MYSM1: variants seen among roughly 807,000 people sequenced by gnomAD.
MYSM1 encodes Myb like, SWIRM and MPN domains 1, also known as deubiquitinase MYSM1.
MYSM1 carries 51 observed loss-of-function variants against 116.0 expected under a neutral mutation model. The ratio of observed to expected loss-of-function variants is 0.44; its 90% CI spans 0.35 to 0.56. The LOEUF (loss-of-function observed/expected upper bound fraction) is 0.56. Ranked by LOEUF, MYSM1 falls within the 20% of genes least tolerant of loss-of-function variation. The pLI, the probability that MYSM1 is intolerant of heterozygous loss-of-function variation, is 0.00. For synonymous variants in MYSM1, 313 were observed against 315.2 expected (o/e 0.99, Z 0.07); for missense variants, 900 against 974.9 (o/e 0.92, Z 1.02).
chr1:58,695,067 A>C lies in MYSM1; in HGVS notation c.147+62T>G, dbSNP rs766632206. 4.1e-4 allele frequency: 381 copies of C among 918,494 alleles called. 3 individuals carry two copies. Among genetic ancestry groups the C allele is most frequent in the Middle Eastern group, 9.6e-4 (4 of 4,158 alleles). The allele number at this position is 918,494 out of a possible 1,614,324, so 56.9% of individuals were successfully genotyped here. On this transcript the variant is annotated intron_variant, in intron 2 of 19. Coordinates refer to ENST00000472487, the MANE Select transcript of MYSM1 (RefSeq NM_001085487.3). ...GCACTAAGTTTAAAAAAAAAAAAAG[A>C]AGAAGCACTCTAGGCAATAAATAAC...
Position 58,685,055 on chromosome 1 carries a change from T to C in MYSM1, c.498+98A>G, listed in dbSNP as rs930206825. Reference sequence around the variant, plus strand: ...TGGGTATAAAATACTTTAAAAACTTTTACCAGTAAGACTTTAATGCCTGAA... The same window carrying C: ...TGGGTATAAAATACTTTAAAAACTTCTACCAGTAAGACTTTAATGCCTGAA... On this transcript the variant is annotated intron_variant, in intron 7 of 19. Transcript: ENST00000472487. 5.1e-6 allele frequency: 5 copies of C among 970,988 alleles called. No homozygotes were observed. In the Admixed American group the frequency reaches 9.9e-5, roughly 19 times the overall value. 60.1% of individuals were successfully genotyped at this position (970,988 alleles called of 1,614,324 possible).
At chr1:58,688,495 T>C (rs1389086320) in intron 6 of MYSM1, among the ~76,000 whole-genome samples, 1 of 151,726 alleles carries the variant, frequency 6.6e-6, no homozygotes, top group Non-Finnish European at 1.5e-5. Context: ...GAAACCAGAA[T>C]ACGTATCTTT....
At chr1:58,681,022 G>A (rs1020133873) in intron 8 of MYSM1, among the ~76,000 whole-genome samples, 4 of 151,970 alleles carry the variant, frequency 2.6e-5, no homozygotes, top group Non-Finnish European at 5.9e-5. Context: ...AAGGGACAGG[G>A]TTTCACCACG....
intron 5 of MYSM1, chr1:58,689,446 A>G (rs180956816): frequency 3.4e-4 from 64 of 187,040 alleles, no homozygotes; most frequent in South Asian, 3.4e-3. Flanking sequence ...GCAGGTGTTA[A>G]TACATTCCCA....
chr1:58,683,216 T>G (rs1214758737), intron 7 of MYSM1, among the ~76,000 whole-genome samples: 1 of 152,240 alleles, frequency 6.6e-6, no homozygotes. Context: ...TCAGATCAAC[T>G]GTATGGAATA....
intron 6 of MYSM1, among the ~76,000 whole-genome samples, chr1:58,686,861 C>A (rs1289042470): frequency 6.6e-6 from 1 of 151,370 alleles, no homozygotes; most frequent in Non-Finnish European, 1.5e-5. Flanking sequence ...AAGCCAGGCA[C>A]AGTGGCACAT....
At chr1:58,673,877 G>C (rs1438648837) in intron 10 of MYSM1, among the ~76,000 whole-genome samples, 1 of 152,204 alleles carries the variant, frequency 6.6e-6, no homozygotes, top group African/African-American at 2.4e-5. Flanking sequence ...AAGGGCAGGA[G>C]CACCAGTAGC....
chr1:58,661,563 A>C, intron 17 of MYSM1, 52 bp from the exon 18 acceptor site: 2 of 1,010,414 alleles, frequency 2.0e-6, no homozygotes, highest in Non-Finnish European at 3.0e-6. Flanking sequence ...TAACTCTCCA[A>C]TCTCCTTTTA....
At chr1:58,662,462 C>G (rs80285282) in intron 17 of MYSM1, among the ~76,000 whole-genome samples, 1 of 109,190 alleles carries the variant, frequency 9.2e-6, no homozygotes, top group Non-Finnish European at 2.1e-5. Flanking sequence ...TCACCCCCCC[C>G]TTTTTTTTTT....
At chr1:58,674,181 T>C (rs1331262473) in intron 10 of MYSM1, among the ~76,000 whole-genome samples, 1 of 152,000 alleles carries the variant, frequency 6.6e-6, no homozygotes, top group Admixed American at 6.6e-5. Context: ...ATTTTTAAGA[T>C]CAAAAAGAAC....
At chr1:58,680,396 G>A (rs892780512) in intron 8 of MYSM1, among the ~76,000 whole-genome samples, 2 of 152,168 alleles carry the variant, frequency 1.3e-5, no homozygotes, top group Non-Finnish European at 2.9e-5. Context: ...GTAAGATGAT[G>A]TAGCAAAGCT....
Position 58,682,123 on chromosome 1 carries a change from T to C in MYSM1, c.921A>G (p.Lys307=), listed in dbSNP as rs370883756. The change falls in exon 8 of 20, where the codon AAA becomes AAG. Residue 307 remains lysine, a synonymous_variant. Transcript: ENST00000472487. ...WTEKQSNGDK[K]SIELNDQKFN... ...ATTTCTGGTCATTTAATTCAATTGATTTTTTGTCACCATTGCTCTGTTTCT... is the reference window on the plus strand; with the variant it reads ...ATTTCTGGTCATTTAATTCAATTGACTTTTTGTCACCATTGCTCTGTTTCT... 6.2e-7 allele frequency: 1 copy of C among 1,613,858 alleles called. No individual in the cohort carries two copies. The highest frequency in any genetic ancestry group is 8.5e-7 in the Non-Finnish European group (1 of 1,179,852).
chr1:58,666,449 A>C (rs973727796), intron 16 of MYSM1, among the ~76,000 whole-genome samples: 6 of 152,074 alleles, frequency 3.9e-5, no homozygotes, highest in Non-Finnish European at 8.8e-5. Flanking sequence ...CCAGTGATAC[A>C]TTCATGGCTT....
chr1:58,686,502 C>A (rs1391592631), intron 6 of MYSM1, among the ~76,000 whole-genome samples: 9 of 152,150 alleles, frequency 5.9e-5, no homozygotes. Context: ...CTTACGGTAG[C>A]AAATCATTTT....
intron 15 of MYSM1, among the ~76,000 whole-genome samples, 169 bp downstream of exon 15, chr1:58,667,678 T>C (rs1426098752): frequency 6.6e-6 from 1 of 152,192 alleles, no homozygotes; most frequent in Non-Finnish European, 1.5e-5. Flanking sequence ...GCTAGGCATA[T>C]AGAATGTTAA....
In MYSM1 at chr1:58,671,895, A is replaced by C; in HGVS notation, c.1636T>G (p.Leu546Val). 3.7e-6 allele frequency: 6 copies of C among 1,613,436 alleles called. No homozygotes were observed. The highest frequency in any genetic ancestry group is 4.2e-6 in the Non-Finnish European group (5 of 1,179,666). Reference protein sequence around the residue: ...EEEKGRPVKSLKVPRPTKSSF... With the variant: ...EEEKGRPVKSVKVPRPTKSSF... The stretch of plus-strand genomic sequence containing the variant: ...CTTTTTGTTGGTCTTGGCACTTTTA[A>C]AGATTTAACAGGTCTGCCTTTTTCC... The change falls in exon 12 of 20, where the codon TTA becomes GTA. Residue 546 changes from leucine to valine, a missense_variant. By Grantham distance (32) the Leu-to-Val change is conservative. This residue lies in a region of MYSM1 where 92 missense variants were observed against 155.0 expected (regional missense o/e 0.59). Coordinates refer to ENST00000472487, the MANE Select transcript of MYSM1 (RefSeq NM_001085487.3).
At chr1:58,661,351 A>G (rs1644388866) in intron 18 of MYSM1, 55 bp downstream of exon 18, 2 of 1,368,806 alleles carry the variant, frequency 1.5e-6, no homozygotes, top group Non-Finnish European at 2.1e-6. Context: ...TCTCTGAAAC[A>G]TAATTTAATG....
At chr1:58,699,914 G>T (rs1645037722) in intron 1 of MYSM1, 71 bp downstream of exon 1, 1 of 1,604,766 alleles carries the variant, frequency 6.2e-7, no homozygotes, top group Non-Finnish European at 8.5e-7. Flanking sequence ...CGGACCTGCA[G>T]CTTTCCCAGG....
At chr1:58,698,118 T>TTTTTTTTTTTTA (rs1645009792) in intron 1 of MYSM1, among the ~76,000 whole-genome samples, 1 of 47,408 alleles carries the variant, frequency 2.1e-5, no homozygotes, top group Non-Finnish European at 4.8e-5. Flanking sequence ...TTTTTTTTTT[T>TTTTTTTTTTTTA]GAGACAGAGT....
Sources: gnomAD v4.1 joint callset for allele counts (sites outside exome capture counted in the v4.1 genomes callset) on GRCh38, gnomAD v4.1.1 for gene constraint, gnomAD v4.1.1 regional missense constraint, MANE v1.5 for transcripts, NCBI Gene and HGNC (gene_info 2026-07-23, HGNC 2026-07-21) for gene names.